CNTN4: variants seen among roughly 807,000 people sequenced by gnomAD.
The protein encoded by CNTN4 is contactin-4.
In CNTN4, 77 loss-of-function variants were observed where a neutral mutation model predicts 122.5. The ratio of observed to expected loss-of-function variants is 0.63; its 90% CI spans 0.52 to 0.76. The LOEUF (loss-of-function observed/expected upper bound fraction) is 0.76. Ranked by LOEUF, CNTN4 falls within the 30% of genes least tolerant of loss-of-function variation. CNTN4 has a pLI of 0.00. For missense variants in CNTN4, 1,256 were observed against 1,259.1 expected, an observed-to-expected ratio of 1.00 and a Z score of 0.04; for synonymous variants, 512 against 447.0, an observed-to-expected ratio of 1.15 and a Z score of -1.83.
intron 4 of CNTN4, among the ~76,000 whole-genome samples, chr3:2,671,937 CTGAACAGCAAAT>C (rs1403226076): frequency 6.6e-6 from 1 of 152,166 alleles, no homozygotes; most frequent in East Asian, 1.9e-4. Context: ...GCAAATATTG[CTGAACAGCAAAT>C]GTTGCTGCCT....
At chr3:2,549,549 C>T (rs954126670) in intron 3 of CNTN4, among the ~76,000 whole-genome samples, 38 of 152,160 alleles carry the variant, frequency 2.5e-4, no homozygotes, top group African/African-American at 8.7e-4. Flanking sequence ...AGGATGAAGC[C>T]GACTTGATCA....
At chr3:2,312,597 A>G (rs2042953886) in intron 2 of CNTN4, among the ~76,000 whole-genome samples, 1 of 152,082 alleles carries the variant, frequency 6.6e-6, no homozygotes, top group African/African-American at 2.4e-5. Flanking sequence ...TGTGACATCC[A>G]TTGTGACACA....
At chr3:2,520,210 C>T (rs2077158682) in intron 3 of CNTN4, among the ~76,000 whole-genome samples, 1 of 148,454 alleles carries the variant, frequency 6.7e-6, no homozygotes. Flanking sequence ...CTAAAGTTGC[C>T]AGTCATGATT....
intron 6 of CNTN4, among the ~76,000 whole-genome samples, chr3:2,812,844 T>C (rs1480451492): frequency 9.2e-5 from 14 of 152,220 alleles, no homozygotes; most frequent in Admixed American, 9.2e-4. Context: ...GGAGATTAAC[T>C]AACTCACCTA....
intron 6 of CNTN4, among the ~76,000 whole-genome samples, chr3:2,757,947 A>C (rs1411279091): frequency 6.6e-6 from 1 of 152,192 alleles, no homozygotes; most frequent in African/African-American, 2.4e-5. Flanking sequence ...TAGAGTATTA[A>C]TTTGCTCCTA....
chr3:2,792,411 CAT>C (rs1247956663), intron 6 of CNTN4, among the ~76,000 whole-genome samples: 2 of 152,134 alleles, frequency 1.3e-5, no homozygotes, highest in Admixed American at 1.3e-4. Context: ...ACAGAAATAA[CAT>C]AATTTGCTTG....
At chr3:2,218,051 A>G (rs955595036) in intron 2 of CNTN4, among the ~76,000 whole-genome samples, 1 of 152,196 alleles carries the variant, frequency 6.6e-6, no homozygotes, top group Non-Finnish European at 1.5e-5. Context: ...ACAGGATGAG[A>G]AAAACAGGCA....
At chr3:2,476,303 G>A (rs578244100) in intron 3 of CNTN4, among the ~76,000 whole-genome samples, 1 of 152,150 alleles carries the variant, frequency 6.6e-6, no homozygotes, top group Non-Finnish European at 1.5e-5. Context: ...TGTCAGTTAA[G>A]ATTTTGGCGT....
At chr3:2,242,723 G>T (rs142179612) in intron 2 of CNTN4, among the ~76,000 whole-genome samples, 2 of 152,072 alleles carry the variant, frequency 1.3e-5, no homozygotes, top group Non-Finnish European at 1.5e-5. Context: ...TCACCCTTCC[G>T]CATATGGGAG....
intron 6 of CNTN4, among the ~76,000 whole-genome samples, chr3:2,781,302 A>G (rs1269072771): frequency 6.6e-6 from 1 of 152,206 alleles, no homozygotes; most frequent in Non-Finnish European, 1.5e-5. Context: ...TTGCAGGTTT[A>G]TCATCATTAA....
intron 3 of CNTN4, among the ~76,000 whole-genome samples, chr3:2,388,109 G>A (rs1358441436): frequency 2.0e-5 from 3 of 152,122 alleles, no homozygotes; most frequent in South Asian, 2.1e-4. Context: ...TTATGTTTTG[G>A]CAGCAATTTT....
At chr3:2,830,841 C>A (rs1246284400) in intron 7 of CNTN4, among the ~76,000 whole-genome samples, 1 of 152,072 alleles carries the variant, frequency 6.6e-6, no homozygotes, top group African/African-American at 2.4e-5. Context: ...CAGGTCAGTG[C>A]ATTAAGCAGG....
chr3:2,149,411 A>T (rs1367223523), intron 2 of CNTN4, among the ~76,000 whole-genome samples: 2 of 152,190 alleles, frequency 1.3e-5, no homozygotes, highest in Non-Finnish European at 2.9e-5. Flanking sequence ...TACTGACCAT[A>T]AATTACCAAT....
intron 4 of CNTN4, among the ~76,000 whole-genome samples, chr3:2,733,263 A>G (rs1215970733): frequency 1.3e-5 from 2 of 152,136 alleles, no homozygotes; most frequent in Non-Finnish European, 2.9e-5. Context: ...GGAATTGGGG[A>G]CAACAATGGA....
chr3:2,246,230 A>G (rs2040141896), intron 2 of CNTN4, among the ~76,000 whole-genome samples: 1 of 151,996 alleles, frequency 6.6e-6, no homozygotes, highest in South Asian at 2.1e-4. Context: ...TTCCCTCCCC[A>G]AAATGTTTAG....
chr3:2,894,740 G>T (rs193086230), intron 10 of CNTN4, among the ~76,000 whole-genome samples: 1 of 152,204 alleles, frequency 6.6e-6, no homozygotes, highest in Admixed American at 6.5e-5. Context: ...AAATGAATCT[G>T]TGTAAGGTTA....
chr3:2,177,277 A>G (rs1214924955), intron 2 of CNTN4, among the ~76,000 whole-genome samples: 2 of 152,140 alleles, frequency 1.3e-5, no homozygotes, highest in African/African-American at 2.4e-5. Flanking sequence ...CAACATTTTC[A>G]ATGTGATTTT....
At chr3:2,269,392 A>G (rs1242892186) in intron 2 of CNTN4, among the ~76,000 whole-genome samples, 5 of 152,110 alleles carry the variant, frequency 3.3e-5, no homozygotes, top group South Asian at 2.1e-4. Context: ...GCATTTCAGC[A>G]TCTCTAAATG....
At chr3:2,198,297 A>T (rs2149374839) in intron 2 of CNTN4, among the ~76,000 whole-genome samples, 1 of 152,334 alleles carries the variant, frequency 6.6e-6, no homozygotes, top group East Asian at 1.9e-4. Flanking sequence ...ACAGCAAAAA[A>T]TAATGACTTT....
Sources: allele counts gnomAD v4.1 joint callset (sites outside exome capture counted in the v4.1 genomes callset), GRCh38; gene constraint gnomAD v4.1.1; transcripts MANE v1.5; gene names NCBI Gene and HGNC (gene_info 2026-07-23, HGNC 2026-07-21).